The following KATNAL2 variants were observed in gnomAD, a reference collection of about 807,000 sequenced individuals.
The protein encoded by KATNAL2 is katanin p60 ATPase-containing subunit A-like 2.
KATNAL2 carries 52 observed loss-of-function variants against 76.3 expected under a neutral mutation model. That is an observed-to-expected ratio of 0.68 (90% CI 0.55 to 0.86). The LOEUF is 0.86. Among genes scored for constraint, KATNAL2 ranks in the 40% least tolerant of loss-of-function variants. KATNAL2 has a pLI of 0.00. For missense variants in KATNAL2, 660 were observed against 668.9 expected (o/e 0.99, Z 0.15); for synonymous variants, 243 against 244.2 (o/e 1.00, Z 0.05).
intron 7 of KATNAL2, 152 bp from the exon 8 acceptor site, chr18:47,059,404 G>T (rs1250690481): frequency 7.8e-6 from 5 of 639,548 alleles, no homozygotes; most frequent in Non-Finnish European, 8.5e-6. Flanking sequence ...TCATCTTCCT[G>T]GGTCTGCACA....
chr18:47,038,033 G>C lies in KATNAL2; in HGVS notation c.52-8424G>C, dbSNP rs527342106. On this transcript the variant is annotated intron_variant, in intron 3 of 17. Transcript: ENST00000683218. Reference sequence around the variant, plus strand: ...CCTCATTACCAGACAGAGTTCTAAAGGACTCAGCCAATCCCCATTATAGAC... The same window carrying C: ...CCTCATTACCAGACAGAGTTCTAAACGACTCAGCCAATCCCCATTATAGAC... 3.3e-5 allele frequency among the ~76,000 whole-genome samples: 5 copies of C among 152,086 alleles called. 1 individual carries two copies. Among genetic ancestry groups the C allele is most frequent in the African/African-American group, 1.2e-4 (5 of 41,506 alleles).
chr18:46,925,585 A>C (rs920755204), intron 1 of KATNAL2, among the ~76,000 whole-genome samples: 2 of 152,200 alleles, frequency 1.3e-5, no homozygotes, highest in African/African-American at 2.4e-5. Flanking sequence ...TGTCAGGATG[A>C]TGCTGGCCTC....
At chr18:46,935,218 A>G (rs1303245148) in intron 1 of KATNAL2, among the ~76,000 whole-genome samples, 1 of 152,216 alleles carries the variant, frequency 6.6e-6, no homozygotes, top group African/African-American at 2.4e-5. Flanking sequence ...TATAGATTTA[A>G]TAGCATATTG....
Position 47,043,226 on chromosome 18 carries a change from C to CAAAAAAAAAAAAAAAAAAAAAA in KATNAL2, c.52-3212_52-3211insAAAAAAAAAAAAAAAAAAAAAA, listed in dbSNP as rs1195140135. Among the ~76,000 whole-genome samples the CAAAAAAAAAAAAAAAAAAAAAA allele has an allele frequency of 8.0e-3, 333 of 41,630 alleles. 77 individuals are homozygous for CAAAAAAAAAAAAAAAAAAAAAA. Among genetic ancestry groups the CAAAAAAAAAAAAAAAAAAAAAA allele is most frequent in the African/African-American group, 0.014 (130 of 9,346 alleles). 27.3% of individuals were successfully genotyped at this position (41,630 alleles called of 152,430 possible). On this transcript the variant is annotated intron_variant, in intron 3 of 17. Coordinates refer to ENST00000683218, the MANE Select transcript of KATNAL2 (RefSeq NM_001387690.1). ...CCGGCGACAGAGCGAGACTCCGTTT[C>CAAAAAAAAAAAAAAAAAAAAAA]AAAAAAAAAAAAAAAAAAAGAGATC...
chr18:46,919,951 G>C, intron 1 of KATNAL2: 1 of 665,548 alleles, frequency 1.5e-6, no homozygotes. Flanking sequence ...GGGAATAGAC[G>C]AATAGAGTAC....
chr18:47,055,829 C>G (rs2576038), intron 6 of KATNAL2, among the ~76,000 whole-genome samples: 70,073 of 152,062 alleles, frequency 0.46, 16,119 homozygotes, highest in Admixed American at 0.54. Context: ...TCCCCTTAGG[C>G]AAGGAGCACC....
intron 8 of KATNAL2, among the ~76,000 whole-genome samples, chr18:47,060,400 T>C (rs1009991530): frequency 1.3e-5 from 2 of 152,216 alleles, no homozygotes; most frequent in African/African-American, 4.8e-5. Flanking sequence ...ATGTGGACCA[T>C]GAAACATCAG....
At chr18:47,025,552 T>C (rs867405588) in intron 3 of KATNAL2, among the ~76,000 whole-genome samples, 5,276 of 121,328 alleles carry the variant, frequency 0.043, no homozygotes, top group Middle Eastern at 0.096. Context: ...TGTGTGTCTC[T>C]TCTGCAGAAA....
intron 15 of KATNAL2, among the ~76,000 whole-genome samples, chr18:47,082,389 C>T (rs1405676119): frequency 6.6e-6 from 1 of 152,102 alleles, no homozygotes; most frequent in Non-Finnish European, 1.5e-5. Flanking sequence ...GCAAAATCAC[C>T]CCCAGTTGAG....
intron 1 of KATNAL2, among the ~76,000 whole-genome samples, chr18:46,918,461 TTTG>T (rs1174175202): frequency 6.6e-6 from 1 of 152,150 alleles, no homozygotes; most frequent in East Asian, 1.9e-4. Context: ...CCCCGCAAGT[TTTG>T]TTTTTTTGAG....
intron 3 of KATNAL2, among the ~76,000 whole-genome samples, chr18:47,039,336 C>T (rs1035082940): frequency 6.6e-6 from 1 of 152,150 alleles, no homozygotes; most frequent in African/African-American, 2.4e-5. Context: ...AATTTTAGAA[C>T]CTTTTCATTA....
intron 15 of KATNAL2, among the ~76,000 whole-genome samples, chr18:47,079,626 A>G (rs2062412898): frequency 6.6e-6 from 1 of 150,978 alleles, no homozygotes. Context: ...TGAACTCCTG[A>G]CCTCAAGTGA....
intron 3 of KATNAL2, chr18:47,033,881 G>T (rs1481604245): frequency 6.2e-7 from 1 of 1,613,828 alleles, no homozygotes; most frequent in Middle Eastern, 1.7e-4. Flanking sequence ...AGGTCCCAGA[G>T]CTCTGAGAAG....
intron 11 of KATNAL2, among the ~76,000 whole-genome samples, chr18:47,068,706 C>T (rs116179575): frequency 3.3e-5 from 5 of 152,210 alleles, no homozygotes; most frequent in African/African-American, 1.2e-4. Context: ...CTGAAGGCTA[C>T]GCATGTCCTG....
intron 1 of KATNAL2, among the ~76,000 whole-genome samples, chr18:46,918,613 G>C (rs1180848958): frequency 6.6e-6 from 1 of 152,102 alleles, no homozygotes; most frequent in Non-Finnish European, 1.5e-5. Flanking sequence ...GTAGAAACGA[G>C]GTTTCTCCAA....
intron 3 of KATNAL2, among the ~76,000 whole-genome samples, chr18:46,956,921 T>C (rs2059766002): frequency 6.6e-6 from 1 of 151,098 alleles, no homozygotes; most frequent in African/African-American, 2.4e-5. Context: ...CATGCACCTG[T>C]AATCCCAGCT....
chr18:46,929,653 TA>T (rs1171387094), intron 1 of KATNAL2, among the ~76,000 whole-genome samples: 1 of 152,238 alleles, frequency 6.6e-6, no homozygotes, highest in Non-Finnish European at 1.5e-5. Context: ...TTGATTATTG[TA>T]AATAAATGCT....
rs916094780 is a variant in KATNAL2 at position 46,955,700 on chromosome 18, C to T, written c.51+8777C>T. Among the ~76,000 whole-genome samples the T allele has an allele frequency of 2.6e-5, 4 of 152,254 alleles. No individual in the cohort carries two copies. In the South Asian group the frequency reaches 8.3e-4, roughly 32 times the overall value. On this transcript the variant is annotated intron_variant, in intron 3 of 17. Coordinates refer to ENST00000683218, the MANE Select transcript of KATNAL2 (RefSeq NM_001387690.1). ...TGGAGTAGCTGGGGCCACAGGCATGCACCACTATTCCCGGCTAATTTTTAA... is the reference window on the plus strand; with the variant it reads ...TGGAGTAGCTGGGGCCACAGGCATGTACCACTATTCCCGGCTAATTTTTAA...
intron 1 of KATNAL2, among the ~76,000 whole-genome samples, chr18:46,928,060 C>T (rs575188703): frequency 6.6e-6 from 1 of 152,222 alleles, no homozygotes; most frequent in East Asian, 1.9e-4. Context: ...GTAGTTTGAT[C>T]GTCTGAAGCC....
Sources: gnomAD v4.1 joint callset for allele counts (sites outside exome capture counted in the v4.1 genomes callset) on GRCh38, gnomAD v4.1.1 for gene constraint, MANE v1.5 for transcripts, NCBI Gene and HGNC (gene_info 2026-07-23, HGNC 2026-07-21) for gene names.